The following VAV3 variants were observed in gnomAD, a reference collection of about 807,000 sequenced individuals.
VAV3 encodes the protein guanine nucleotide exchange factor VAV3.
A neutral mutation model predicts 131.2 loss-of-function variants in VAV3; 94 were observed. That is an observed-to-expected ratio of 0.72 (90% confidence interval 0.61 to 0.85). The LOEUF is 0.85. Among genes scored for constraint, VAV3 ranks in the 40% least tolerant of loss-of-function variants. The probability of loss-of-function intolerance (pLI) is 0.00; values close to 1 mark genes in which losing one functional copy is unlikely to be tolerated. For synonymous variants in VAV3, 349 were observed against 342.0 expected, an observed-to-expected ratio of 1.02 and a Z score of -0.22; for missense variants, 939 against 1,002.7, an observed-to-expected ratio of 0.94 and a Z score of 0.86.
intron 2 of VAV3, among the ~76,000 whole-genome samples, chr1:107,835,348 C>A (rs1231837310): frequency 6.6e-6 from 1 of 152,166 alleles, no homozygotes; most frequent in Non-Finnish European, 1.5e-5. Flanking sequence ...AAGCCTCAGG[C>A]TTGTGGCAAC....
At chr1:107,876,367 A>G (rs1245358447) in intron 1 of VAV3, among the ~76,000 whole-genome samples, 1 of 152,168 alleles carries the variant, frequency 6.6e-6, no homozygotes. Flanking sequence ...AAGACAGAAT[A>G]TAGACTCCTG....
intron 2 of VAV3, among the ~76,000 whole-genome samples, chr1:107,818,392 T>C (rs1034354983): frequency 5.9e-5 from 9 of 151,848 alleles, no homozygotes; most frequent in African/African-American, 2.2e-4. Context: ...CATAAAATGC[T>C]GATCATGCTT....
At chr1:107,886,651 C>T (rs955388652) in intron 1 of VAV3, among the ~76,000 whole-genome samples, 3 of 152,156 alleles carry the variant, frequency 2.0e-5, no homozygotes, top group Non-Finnish European at 4.4e-5. Flanking sequence ...CTTTCCTCTT[C>T]TTATGAATCT....
intron 13 of VAV3, among the ~76,000 whole-genome samples, chr1:107,750,865 A>T (rs992406849): frequency 1.3e-5 from 2 of 152,152 alleles, no homozygotes; most frequent in African/African-American, 4.8e-5. Flanking sequence ...TCTCATTTTA[A>T]TGTATCCTAG....
At chr1:107,660,964 C>A (rs980583619) in intron 19 of VAV3, among the ~76,000 whole-genome samples, 2 of 152,052 alleles carry the variant, frequency 1.3e-5, no homozygotes, top group Non-Finnish European at 2.9e-5. Flanking sequence ...AATCAAGTTA[C>A]AAGCAGCAGT....
intron 15 of VAV3, among the ~76,000 whole-genome samples, chr1:107,732,695 A>C (rs1388399413): frequency 6.6e-6 from 1 of 152,188 alleles, no homozygotes; most frequent in Non-Finnish European, 1.5e-5. Flanking sequence ...TGAGTAGGTA[A>C]ACAAAGTGGC....
chr1:107,905,511 A>C (rs345299), intron 1 of VAV3, among the ~76,000 whole-genome samples: 104,228 of 151,996 alleles, frequency 0.69, 37,621 homozygotes, highest in African/African-American at 0.92. Flanking sequence ...ATGGAAGCCA[A>C]TGCTAAAGAC....
chr1:107,800,428 C>A (rs954128957), intron 2 of VAV3, among the ~76,000 whole-genome samples: 4 of 151,984 alleles, frequency 2.6e-5, no homozygotes, highest in Non-Finnish European at 5.9e-5. Context: ...TTTTAATTTG[C>A]TTTTCTGTGA....
intron 19 of VAV3, among the ~76,000 whole-genome samples, chr1:107,654,686 G>A (rs1011955920): frequency 9.9e-5 from 15 of 151,894 alleles, no homozygotes; most frequent in Non-Finnish European, 2.1e-4. Flanking sequence ...TACATAAAGA[G>A]TTTCTTTAAT....
At chr1:107,911,557 G>A (rs1327050185) in intron 1 of VAV3, among the ~76,000 whole-genome samples, 1 of 152,128 alleles carries the variant, frequency 6.6e-6, no homozygotes, top group Admixed American at 6.5e-5. Context: ...AATTAAGACA[G>A]ATAAATAAAA....
rs1293072349 is a variant in VAV3 at position 107,571,419 on chromosome 1, C to G, written c.*1912G>C. The stretch of plus-strand genomic sequence containing the variant: ...CTCCAATATCCTCTGCTAGGAAACC[C>G]CCAGGCCCATGAAATGCAACAGGAA... On this transcript the variant is annotated 3_prime_UTR_variant, in exon 27 of 27. Coordinates refer to ENST00000370056, the MANE Select transcript of VAV3 (RefSeq NM_006113.5). 6.6e-6 allele frequency: 1 copy of G among 152,520 alleles called. No individual in the cohort carries two copies. The highest frequency in any genetic ancestry group is 1.9e-4 in the East Asian group (1 of 5,188). The allele number at this position is 152,520 out of a possible 1,614,324, so 9.4% of individuals were successfully genotyped here.
chr1:107,693,718 T>C (rs912656600), intron 17 of VAV3, among the ~76,000 whole-genome samples: 3 of 152,160 alleles, frequency 2.0e-5, no homozygotes, highest in Non-Finnish European at 4.4e-5. Context: ...AACAACATGA[T>C]ATTAAGTGCC....
chr1:107,649,306 G>T (rs905220230), intron 19 of VAV3, among the ~76,000 whole-genome samples: 9 of 152,092 alleles, frequency 5.9e-5, no homozygotes, highest in Non-Finnish European at 1.2e-4. Flanking sequence ...GACACCAGCG[G>T]CTGAAGAGGA....
intron 1 of VAV3, among the ~76,000 whole-genome samples, chr1:107,938,349 C>T (rs1251368491): frequency 1.3e-5 from 2 of 152,142 alleles, no homozygotes; most frequent in Non-Finnish European, 2.9e-5. Context: ...ACCAAGAAGG[C>T]GAGAGGCAGG....
At chr1:107,724,649 C>T (rs974719270) in intron 15 of VAV3, among the ~76,000 whole-genome samples, 2 of 152,090 alleles carry the variant, frequency 1.3e-5, no homozygotes, top group African/African-American at 4.8e-5. Context: ...AGGAAAAGGG[C>T]ATAGCTGCTT....
rs193197761 is a variant in VAV3 at position 107,741,697 on chromosome 1, C to T, written c.1502+7271G>A. Among the ~76,000 whole-genome samples, 1,150 of 152,248 alleles carry T rather than the reference C, an allele frequency of 7.6e-3. 11 individuals carry two copies. Among genetic ancestry groups the T allele is most frequent in the Non-Finnish European group, 8.6e-3 (587 of 68,008 alleles). Reference sequence around the variant, plus strand: ...AGCCACAGTGAATCAAGAACATGGACAGAGAGAGAAATATGAGAATGTAGG... The same window carrying T: ...AGCCACAGTGAATCAAGAACATGGATAGAGAGAGAAATATGAGAATGTAGG... On this transcript the variant is annotated intron_variant, in intron 15 of 26. Coordinates refer to ENST00000370056, the MANE Select transcript of VAV3 (RefSeq NM_006113.5).
At chr1:107,922,853 G>A (rs1039646657) in intron 1 of VAV3, among the ~76,000 whole-genome samples, 2 of 151,860 alleles carry the variant, frequency 1.3e-5, no homozygotes, top group African/African-American at 2.4e-5. Context: ...TCGGGAGGCT[G>A]AGGCGGGAGA....
chr1:107,824,269 C>A (rs1213117869), intron 2 of VAV3, among the ~76,000 whole-genome samples: 2 of 152,032 alleles, frequency 1.3e-5, no homozygotes, highest in South Asian at 4.1e-4. Context: ...CACATAGCGT[C>A]GCTATTTCAA....
chr1:107,961,918 A>T (rs928127793), intron 1 of VAV3, among the ~76,000 whole-genome samples: 2 of 152,254 alleles, frequency 1.3e-5, no homozygotes, highest in African/African-American at 4.8e-5. Flanking sequence ...GAGAATAGAA[A>T]GGCATCCCAC....
Sources: allele counts gnomAD v4.1 joint callset (sites outside exome capture counted in the v4.1 genomes callset), GRCh38; gene constraint gnomAD v4.1.1; transcripts MANE v1.5; gene names NCBI Gene and HGNC (gene_info 2026-07-23, HGNC 2026-07-21).